GPC4: variants seen among roughly 807,000 people sequenced by gnomAD.
GPC4 encodes glypican-4.
GPC4 carries 10 observed loss-of-function variants against 35.0 expected under a neutral mutation model. That is an observed-to-expected ratio of 0.29 (90% confidence interval 0.18 to 0.48). The LOEUF (loss-of-function observed/expected upper bound fraction) is 0.48. GPC4 is among the 20% of genes least tolerant of loss of function. The pLI is 0.99. For synonymous variants in GPC4, 167 were observed against 170.2 expected (o/e 0.98, Z 0.15); for missense variants, 322 against 451.3 (o/e 0.71, Z 2.60).
At position 133,415,304 on chromosome X, in the gene GPC4, A is replaced by C; in HGVS notation, c.-339T>G. The C allele has an allele frequency of 4.4e-6, 1 of 226,278 alleles. No homozygotes were observed. The highest frequency in any genetic ancestry group is 9.1e-5 in the South Asian group (1 of 10,991). The allele number at this position is 226,278 out of a possible 1,213,427, so 18.6% of individuals were successfully genotyped here. On this transcript the variant is annotated 5_prime_UTR_variant, in exon 1 of 9. Transcript: ENST00000370828. ...AAGCTGACTGGCCGGCGAGGCGGGGACGCGGGGAAGGAGGGAAGGGTGGCA... is the reference window on the plus strand; with the variant it reads ...AAGCTGACTGGCCGGCGAGGCGGGGCCGCGGGGAAGGAGGGAAGGGTGGCA...
chrX:133,304,909 C>T, intron 6 of GPC4, 48 bp from the exon 7 acceptor site: 1 of 1,148,682 alleles, frequency 8.7e-7, no homozygotes, highest in South Asian at 1.8e-5. Flanking sequence ...TAAGACAAGA[C>T]AAAACTACCT....
chrX:133,341,266 A>G (rs1004912593), intron 1 of GPC4, among the ~76,000 whole-genome samples: 1 of 111,946 alleles, frequency 8.9e-6, no homozygotes, highest in African/African-American at 3.3e-5. Context: ...CTAAACACAT[A>G]AAACAATATG....
intron 1 of GPC4, among the ~76,000 whole-genome samples, chrX:133,385,070 A>C (rs1208982045): frequency 1.8e-5 from 2 of 112,277 alleles, no homozygotes; most frequent in African/African-American, 6.5e-5. Context: ...CCAAGAGTCT[A>C]GGATTACCTC....
intron 1 of GPC4, chrX:133,414,337 G>T: frequency 3.6e-6 from 1 of 275,540 alleles, no homozygotes; most frequent in Non-Finnish European, 4.9e-6. Context: ...GCTCCGGGAC[G>T]TTTCCCTCCA....
Position 133,324,344 on chromosome X carries a change from C to T in GPC4, c.512G>A (p.Arg171Gln). The T allele has an allele frequency of 8.3e-7, 1 of 1,211,081 alleles. No individual in the cohort carries two copies. The highest frequency in any genetic ancestry group is 1.1e-6 in the Non-Finnish European group (1 of 895,232). Residue 171 changes from arginine to glutamine, a missense_variant, in exon 3 of 9, where the codon CGG becomes CAG. This residue lies in a region of GPC4 where 163 missense variants were observed against 277.2 expected (regional missense o/e 0.59). Transcript: ENST00000370828. ...LNDFWARLLERMFRLVNSQYH... is the reference protein window; with the variant it reads ...LNDFWARLLEQMFRLVNSQYH... Reference sequence around the variant, plus strand: ...CTGGGAGTTCACCAGGCGGAACATCCGCTCCAGGAGGCGAGCCCAGAAGTC... The same window carrying T: ...CTGGGAGTTCACCAGGCGGAACATCTGCTCCAGGAGGCGAGCCCAGAAGTC...
chrX:133,330,095 G>A (rs2068412325), intron 2 of GPC4, among the ~76,000 whole-genome samples: 2 of 111,474 alleles, frequency 1.8e-5, no homozygotes, highest in Admixed American at 9.6e-5. Flanking sequence ...AACCTTAAGA[G>A]ATTGGGGCCC....
rs779090539 is a variant in GPC4, at chrX:133,378,567, C to T, written c.160+36239G>A. On this transcript the variant is annotated intron_variant, in intron 1 of 8. Coordinates refer to ENST00000370828, the MANE Select transcript of GPC4 (RefSeq NM_001448.3). ...CTCCAGCCTGGGCGACAGTGCGAGA[C>T]TCCATTTCAAAAAAAAAAAAGAAAA... Among the ~76,000 whole-genome samples the T allele has an allele frequency of 9.5e-5, 9 of 94,303 alleles. No individual in the cohort carries two copies. The East Asian group carries it at 2.7e-3, about 28-fold the overall frequency. 81.9% of individuals were successfully genotyped at this position (94,303 alleles called of 115,157 possible). A position where few individuals can be genotyped will look rare whatever the true frequency, so the allele number is the denominator to read the frequency against.
In GPC4 at chrX:133,303,066, T is replaced by C; in HGVS notation, c.1472A>G (p.Asp491Gly). The C allele has an allele frequency of 8.3e-7, 1 of 1,210,615 alleles. No homozygotes were observed. The highest frequency in any genetic ancestry group is 1.1e-6 in the Non-Finnish European group (1 of 894,828). The change falls in exon 9 of 9, where the codon GAT (aspartate) becomes GGT (glycine). Residue 491 changes from aspartate (D) to glycine (G), a missense_variant. Physicochemically the swap from Asp to Gly is moderately conservative, Grantham distance 94 (BLOSUM62 -1). Transcript: ENST00000370828. ...TCCACTTCCTTCTCCACTACTTTCATCACCTAGTTTAAAAAAAAATGGAAT... is the reference window on the plus strand; with the variant it reads ...TCCACTTCCTTCTCCACTACTTTCACCACCTAGTTTAAAAAAAAATGGAAT... ...GNDVDFFDIS[D>G]ESSGEGSGSG...
At chrX:133,320,493 G>A (rs1027149513) in intron 3 of GPC4, among the ~76,000 whole-genome samples, 1 of 108,918 alleles carries the variant, frequency 9.2e-6, no homozygotes, top group Non-Finnish European at 1.9e-5. Context: ...GGGTATGGGC[G>A]CATGCCTGTA....
chrX:133,351,934 T>A (rs1233470729), intron 1 of GPC4, among the ~76,000 whole-genome samples: 1 of 112,306 alleles, frequency 8.9e-6, no homozygotes, highest in Admixed American at 9.4e-5. Flanking sequence ...GTGACTCTTA[T>A]GTGCCAGATG....
intron 2 of GPC4, among the ~76,000 whole-genome samples, chrX:133,330,751 T>C (rs768461293): frequency 9.0e-6 from 1 of 110,597 alleles, no homozygotes; most frequent in Admixed American, 9.6e-5. Context: ...AGTTTTAGAC[T>C]ACCCTGAAAA....
intron 1 of GPC4, among the ~76,000 whole-genome samples, chrX:133,382,225 G>C (rs998466008): frequency 9.7e-6 from 1 of 102,890 alleles, no homozygotes; most frequent in African/African-American, 3.6e-5. Context: ...TCAGGAGATC[G>C]AGACCATCCT....
At chrX:133,346,763 A>C (rs2068492765) in intron 1 of GPC4, among the ~76,000 whole-genome samples, 1 of 112,073 alleles carries the variant, frequency 8.9e-6, no homozygotes, top group Non-Finnish European at 1.9e-5. Context: ...TACATGTTAC[A>C]ACATGGATGA....
chrX:133,328,512 A>G (rs2068404390), intron 2 of GPC4, among the ~76,000 whole-genome samples: 1 of 111,535 alleles, frequency 9.0e-6, no homozygotes. Flanking sequence ...TTCTATTCCC[A>G]TGACATTTAC....
At chrX:133,402,879 G>T (rs2068771917) in intron 1 of GPC4, among the ~76,000 whole-genome samples, 1 of 104,209 alleles carries the variant, frequency 9.6e-6, no homozygotes, top group African/African-American at 3.5e-5. Flanking sequence ...CTCCAGCCTG[G>T]GCAACAAGAG....
At chrX:133,320,755 C>T (rs2068361475) in intron 3 of GPC4, among the ~76,000 whole-genome samples, 1 of 109,460 alleles carries the variant, frequency 9.1e-6, no homozygotes, top group Non-Finnish European at 1.9e-5. Flanking sequence ...TGTCTGTAAT[C>T]CCAGTGCTTT....
chrX:133,372,574 A>G (rs911485030), intron 1 of GPC4, among the ~76,000 whole-genome samples: 6 of 111,635 alleles, frequency 5.4e-5, no homozygotes, highest in Non-Finnish European at 1.1e-4. Context: ...CTCAACTAAT[A>G]CCTCATAATT....
intron 1 of GPC4, among the ~76,000 whole-genome samples, chrX:133,352,899 C>G (rs2068522901): frequency 9.0e-6 from 1 of 111,505 alleles, no homozygotes; most frequent in Non-Finnish European, 1.9e-5. Flanking sequence ...TTCTTAAGTA[C>G]CACAGGGAAG....
In GPC4 at chrX:133,304,857, G is replaced by A. The variant is rs1243404114; in HGVS notation, c.1160C>T (p.Thr387Ile). The change falls in exon 7 of 9, where the codon ACT (threonine) becomes ATT (isoleucine). Residue 387 changes from threonine to isoleucine, a missense_variant. Thr to Ile is a moderately conservative substitution (Grantham distance 89). This residue lies in a region of GPC4 where 163 missense variants were observed against 277.2 expected (regional missense o/e 0.59). Coordinates refer to ENST00000370828, the MANE Select transcript of GPC4 (RefSeq NM_001448.3). ...AAGTSLDRLV[T>I]DVKEKLKQAK... Reference sequence around the variant, plus strand: ...CTGTTTCAGTTTCTCCTTGACATCAGTAACCTAATTATGAAACAACAACAA... The same window carrying A: ...CTGTTTCAGTTTCTCCTTGACATCAATAACCTAATTATGAAACAACAACAA... 3.3e-6 allele frequency: 4 copies of A among 1,209,423 alleles called. No homozygotes were observed. Among genetic ancestry groups the A allele is most frequent in the Non-Finnish European group, 4.5e-6 (4 of 893,629 alleles).
Sources: allele counts gnomAD v4.1 joint callset (sites outside exome capture counted in the v4.1 genomes callset), GRCh38; gene constraint gnomAD v4.1.1; regional missense constraint gnomAD v4.1.1; transcripts MANE v1.5; gene names NCBI Gene and HGNC (gene_info 2026-07-23, HGNC 2026-07-21).